The following POLR3B variants were observed in gnomAD, a reference collection of about 807,000 sequenced individuals.
POLR3B encodes RNA polymerase III subunit B, also known as DNA-directed RNA polymerase III subunit RPC2.
A neutral mutation model predicts 147.4 loss-of-function variants in POLR3B; 96 were observed. The observed-to-expected ratio is 0.65, with a 90% CI of 0.55 to 0.77. POLR3B has a LOEUF of 0.77. POLR3B is among the 30% of genes least tolerant of loss of function. The pLI, the probability that POLR3B is intolerant of heterozygous loss-of-function variation, is 0.00. For missense variants in POLR3B, 1,036 were observed against 1,413.5 expected (o/e 0.73, Z 4.28); for synonymous variants, 461 against 485.9 (o/e 0.95, Z 0.67).
At chr12:106,447,524 G>T (rs1236363348) in intron 19 of POLR3B, among the ~76,000 whole-genome samples, 2 of 152,176 alleles carry the variant, frequency 1.3e-5, no homozygotes, top group East Asian at 3.9e-4. Context: ...CTCAGAGCAA[G>T]AAGTCAGGTG....
At chr12:106,397,991 C>G (rs1299135132) in intron 10 of POLR3B, among the ~76,000 whole-genome samples, 2 of 152,244 alleles carry the variant, frequency 1.3e-5, no homozygotes, top group Non-Finnish European at 2.9e-5. Flanking sequence ...GTGTGCCAGA[C>G]AGTGGGTGCA....
At chr12:106,481,665 C>T (rs546886272) in intron 23 of POLR3B, among the ~76,000 whole-genome samples, 2 of 152,320 alleles carry the variant, frequency 1.3e-5, no homozygotes, top group Admixed American at 1.3e-4. Context: ...CCCATTCTTT[C>T]TCCTTACACG....
At chr12:106,444,640 G>C (rs1211781077) in intron 19 of POLR3B, 50 bp downstream of exon 19, 2 of 1,590,008 alleles carry the variant, frequency 1.3e-6, no homozygotes, top group Non-Finnish European at 1.7e-6. Flanking sequence ...AAATACTTTT[G>C]GAAAAAGCCT....
At chr12:106,508,797 ATGT>A in intron 27 of POLR3B, among the ~76,000 whole-genome samples, 1 of 152,364 alleles carries the variant, frequency 6.6e-6, no homozygotes, top group Admixed American at 6.5e-5. Flanking sequence ...AAGGGACAAC[ATGT>A]TGTAAGTATA....
chr12:106,432,231 A>T, intron 14 of POLR3B, 87 bp from the exon 15 acceptor site: 1 of 1,256,724 alleles, frequency 8.0e-7, no homozygotes, highest in South Asian at 1.2e-5. Context: ...CATTGCTGCC[A>T]GCAAAGTAGT....
chr12:106,393,630 C>G (rs1257734689), intron 10 of POLR3B, among the ~76,000 whole-genome samples: 2 of 151,262 alleles, frequency 1.3e-5, no homozygotes, highest in Non-Finnish European at 2.9e-5. Flanking sequence ...TCCTGAATTC[C>G]CAGTGCTGCT....
chr12:106,431,656 TA>T (rs753456772), intron 14 of POLR3B, among the ~76,000 whole-genome samples: 1 of 152,244 alleles, frequency 6.6e-6, no homozygotes, highest in Non-Finnish European at 1.5e-5. Context: ...GTGAACATCT[TA>T]TGTAACCATA....
At chr12:106,396,895 C>A (rs980838603) in intron 10 of POLR3B, among the ~76,000 whole-genome samples, 6 of 152,054 alleles carry the variant, frequency 3.9e-5, no homozygotes, top group Admixed American at 3.3e-4. Context: ...AGTTGGAGAC[C>A]AGCCTAGGCA....
chr12:106,495,128 A>T (rs2038460334), intron 23 of POLR3B, among the ~76,000 whole-genome samples: 1 of 152,238 alleles, frequency 6.6e-6, no homozygotes, highest in African/African-American at 2.4e-5. Context: ...ATGACACTGT[A>T]CAATTCTAAA....
At chr12:106,421,403 G>T (rs1056214547) in intron 12 of POLR3B, among the ~76,000 whole-genome samples, 2 of 152,122 alleles carry the variant, frequency 1.3e-5, no homozygotes, top group African/African-American at 4.8e-5. Context: ...CGTTGTATAT[G>T]AATTTCTGAT....
intron 23 of POLR3B, among the ~76,000 whole-genome samples, chr12:106,468,305 T>C (rs975509577): frequency 7.2e-5 from 11 of 152,200 alleles, no homozygotes; most frequent in Non-Finnish European, 1.3e-4. Flanking sequence ...ATGTCCCCTT[T>C]ATCATTTTTT....
chr12:106,378,172 A>G (rs1158443759), intron 7 of POLR3B, 95 bp from the exon 8 acceptor site: 3 of 810,794 alleles, frequency 3.7e-6, no homozygotes, highest in Non-Finnish European at 6.7e-6. Context: ...GCAGTAGTAG[A>G]AAAGGTAATC....
intron 26 of POLR3B, among the ~76,000 whole-genome samples, chr12:106,503,775 A>G (rs1484157447): frequency 2.0e-5 from 3 of 152,242 alleles, no homozygotes; most frequent in African/African-American, 7.2e-5. Context: ...GGTAATAGTA[A>G]TGGTGTTTTC....
intron 9 of POLR3B, among the ~76,000 whole-genome samples, chr12:106,392,639 G>A (rs1217089671): frequency 6.6e-6 from 1 of 152,206 alleles, no homozygotes; most frequent in Admixed American, 6.5e-5. Flanking sequence ...TTGGGGTTCT[G>A]CTTATTTTCA....
chr12:106,434,518 A>G (rs149655218), intron 16 of POLR3B, among the ~76,000 whole-genome samples: 1 of 151,866 alleles, frequency 6.6e-6, no homozygotes, highest in East Asian at 1.9e-4. Flanking sequence ...CCTTTTATTC[A>G]TTCAGTAAGT....
intron 17 of POLR3B, among the ~76,000 whole-genome samples, chr12:106,437,416 G>T (rs1240702498): frequency 6.6e-6 from 1 of 152,004 alleles, no homozygotes; most frequent in Non-Finnish European, 1.5e-5. Flanking sequence ...CTCATTATGA[G>T]GTTTCTAAGG....
intron 19 of POLR3B, among the ~76,000 whole-genome samples, chr12:106,448,913 C>A: frequency 6.6e-6 from 1 of 152,080 alleles, no homozygotes; most frequent in East Asian, 1.9e-4. Flanking sequence ...AAACTAACTT[C>A]TTTTCTCATT....
chr12:106,441,433 C>G (rs2037649701), intron 18 of POLR3B, among the ~76,000 whole-genome samples: 1 of 152,142 alleles, frequency 6.6e-6, no homozygotes, highest in Admixed American at 6.5e-5. Context: ...ACCTGTACAG[C>G]ATATTACTCT....
intron 22 of POLR3B, among the ~76,000 whole-genome samples, chr12:106,460,740 ACT>A (rs1168646299): frequency 6.6e-6 from 1 of 151,760 alleles, no homozygotes; most frequent in Non-Finnish European, 1.5e-5. Context: ...AATTTCATTC[ACT>A]CTTTTCAGAG....
Sources: allele counts gnomAD v4.1 joint callset (sites outside exome capture counted in the v4.1 genomes callset), GRCh38; gene constraint gnomAD v4.1.1; transcripts MANE v1.5; gene names NCBI Gene and HGNC (gene_info 2026-07-23, HGNC 2026-07-21).